The following UGT1A3 variants were observed in gnomAD, a reference collection of about 807,000 sequenced individuals.
UGT1A3 encodes the protein UDP glucuronosyltransferase family 1 member A3, also known as UDP-glucuronosyltransferase 1A3.
A neutral mutation model predicts 41.0 loss-of-function variants in UGT1A3; 31 were observed. The observed-to-expected ratio is 0.76, with a 90% CI of 0.57 to 1.02. The LOEUF is 1.02. UGT1A3 is among the 50% of genes least tolerant of loss of function. UGT1A3 has a pLI of 0.00. For synonymous variants in UGT1A3, 262 were observed against 257.6 expected (o/e 1.02, Z -0.17); for missense variants, 737 against 671.0 (o/e 1.10, Z -1.09).
chr2:233,729,634 G>C lies in UGT1A3; in HGVS notation c.508G>C (p.Val170Leu). 6.2e-7 allele frequency: 1 copy of C among 1,613,874 alleles called. No homozygotes were observed. Among genetic ancestry groups the C allele is most frequent in the African/African-American group, 1.3e-5 (1 of 74,980 alleles). Reference sequence around the variant, plus strand: ...GGCTAAGTACCTGTCGATTCCTACTGTGTTTTTTTTGAGGAACATTCCATG... The same window carrying C: ...GGCTAAGTACCTGTCGATTCCTACTCTGTTTTTTTTGAGGAACATTCCATG... ...VLAKYLSIPT[V>L]FFLRNIPCDL... The change falls in exon 1 of 5, where the codon GTG becomes CTG. Residue 170 changes from valine (V) to leucine (L), a missense_variant. By Grantham distance (32) the Val-to-Leu change is conservative (BLOSUM62 1). Transcript: ENST00000482026.
chr2:233,762,716 G>A (rs1165030295), intron 1 of UGT1A3, among the ~76,000 whole-genome samples: 4 of 149,682 alleles, frequency 2.7e-5, no homozygotes, highest in African/African-American at 7.3e-5. Flanking sequence ...TATTTTACAC[G>A]GTTTTTTTTT....
At chr2:233,742,175 T>C (rs1052722591) in intron 1 of UGT1A3, among the ~76,000 whole-genome samples, 7 of 151,768 alleles carry the variant, frequency 4.6e-5, no homozygotes, top group African/African-American at 1.5e-4. Flanking sequence ...CACAGAAATA[T>C]AGAGTGTGGA....
rs753512191 is a variant in UGT1A3 at position 233,755,032 on chromosome 2, C to T, written c.868-12002C>T. The T allele has an allele frequency of 5.3e-6, 7 of 1,314,500 alleles. No individual in the cohort carries two copies. In the Admixed American group the frequency reaches 9.5e-5, roughly 18 times the overall value. The allele number at this position is 1,314,500 out of a possible 1,614,324, so 81.4% of individuals were successfully genotyped here. A position where few individuals can be genotyped will look rare whatever the true frequency, so the allele number is the denominator to read the frequency against. ...TCGAAGGGGTCCTTGAAGGGCCTGC[C>T]GCCTGCGCAGCCGCCCTCCGCCCTC... On this transcript the variant is annotated intron_variant, in intron 1 of 4. Coordinates refer to ENST00000482026, the MANE Select transcript of UGT1A3 (RefSeq NM_019093.4).
chr2:233,732,561 G>A (rs1386480566), intron 1 of UGT1A3, among the ~76,000 whole-genome samples: 1 of 152,180 alleles, frequency 6.6e-6, no homozygotes, highest in African/African-American at 2.4e-5. Context: ...ATTAAATAAG[G>A]AATCCTTTCC....
At chr2:233,755,299 T>C (rs1695851428) in intron 1 of UGT1A3, 2 of 613,704 alleles carry the variant, frequency 3.3e-6, no homozygotes, top group South Asian at 1.7e-5. Flanking sequence ...TGCGGGGCAC[T>C]GGCACAGCGA....
intron 1 of UGT1A3, chr2:233,760,314 C>T (rs2125982476): frequency 1.2e-6 from 2 of 1,613,914 alleles, no homozygotes; most frequent in Non-Finnish European, 1.7e-6. Context: ...AGGGCGGACG[C>T]CCACTTGTCC....
intron 1 of UGT1A3, among the ~76,000 whole-genome samples, chr2:233,759,856 C>T (rs1446471980): frequency 2.0e-5 from 3 of 152,092 alleles, no homozygotes; most frequent in Admixed American, 6.6e-5. Context: ...GTTTCCATGG[C>T]GAAAGCGGGG....
intron 1 of UGT1A3, chr2:233,747,345 C>A (rs905208353): frequency 6.2e-7 from 1 of 1,602,546 alleles, no homozygotes; most frequent in South Asian, 1.1e-5. Flanking sequence ...GGCTCGCATG[C>A]GGGAGGCCGT....
At chr2:233,743,234 A>C (rs17863796) in intron 1 of UGT1A3, 5,154 of 418,520 alleles carry the variant, frequency 0.012, 81 homozygotes, top group South Asian at 0.038. Flanking sequence ...ATTTATTATG[A>C]AGGACTTTAA....
At chr2:233,754,790 T>C (rs1308374413) in intron 1 of UGT1A3, 13 of 1,196,884 alleles carry the variant, frequency 1.1e-5, no homozygotes, top group Non-Finnish European at 1.4e-5. Context: ...AGGAACGAAA[T>C]CCTGTATCAA....
intron 1 of UGT1A3, among the ~76,000 whole-genome samples, chr2:233,739,272 C>T (rs1444866031): frequency 6.6e-6 from 1 of 152,138 alleles, no homozygotes; most frequent in African/African-American, 2.4e-5. Flanking sequence ...AGGTTGGAGC[C>T]CCCACACAGA....
chr2:233,737,856 T>C (rs1690612463), intron 1 of UGT1A3, among the ~76,000 whole-genome samples: 1 of 152,152 alleles, frequency 6.6e-6, no homozygotes, highest in Admixed American at 6.5e-5. Context: ...ACTCTTGCTA[T>C]GCCCCTTAAG....
At chr2:233,767,405 A>G (rs1699388437) in intron 2 of UGT1A3, among the ~76,000 whole-genome samples, 1 of 152,206 alleles carries the variant, frequency 6.6e-6, no homozygotes, top group Admixed American at 6.5e-5. Flanking sequence ...ATTTTCTCTA[A>G]GAGACTCAAA....
At chr2:233,761,211 C>A in intron 1 of UGT1A3, 2 of 1,613,736 alleles carry the variant, frequency 1.2e-6, no homozygotes, top group South Asian at 1.1e-5. Flanking sequence ...TACTTTGGAT[C>A]GATTAACTAG....
At chr2:233,753,727 C>T (rs767953067) in intron 1 of UGT1A3, 2 of 152,174 alleles carry the variant, frequency 1.3e-5, no homozygotes, top group African/African-American at 2.4e-5. Flanking sequence ...ATTTGATATG[C>T]CCCAAGCACA....
At chr2:233,731,619 C>A (rs527896427) in intron 1 of UGT1A3, among the ~76,000 whole-genome samples, 1 of 152,252 alleles carries the variant, frequency 6.6e-6, no homozygotes, top group South Asian at 2.1e-4. Context: ...TGAACTCATC[C>A]TTTTTTATGG....
In UGT1A3 at chr2:233,768,310, C is replaced by G; in HGVS notation, c.1178C>G (p.Pro393Arg). 6.2e-7 allele frequency: 1 copy of G among 1,614,060 alleles called. No homozygotes were observed. Among genetic ancestry groups the G allele is most frequent in the Non-Finnish European group, 8.5e-7 (1 of 1,180,018 alleles). ...ICNGVPMVMM[P>R]LFGDQMDNAK... ...AATGGCGTTCCCATGGTGATGATGC[C>G]CTTGTTTGGTGATCAGATGGACAAT... The change falls in exon 4 of 5, where the codon CCC becomes CGC. Residue 393 changes from proline to arginine, a missense_variant. Physicochemically the swap from Pro to Arg is moderately radical, Grantham distance 103. Coordinates refer to ENST00000482026, the MANE Select transcript of UGT1A3 (RefSeq NM_019093.4).
chr2:233,754,448 T>G (rs1695488368), intron 1 of UGT1A3: 3 of 350,316 alleles, frequency 8.6e-6, no homozygotes, highest in Non-Finnish European at 1.7e-5. Flanking sequence ...TATAAATTCT[T>G]GGGTACAGCT....
chr2:233,747,228 C>T (rs1559391943), intron 1 of UGT1A3: 2 of 1,605,178 alleles, frequency 1.2e-6, no homozygotes, highest in East Asian at 2.2e-5. Context: ...CCACAGGACC[C>T]CAGGTTCCCC....
Sources: gnomAD v4.1 joint callset for allele counts (sites outside exome capture counted in the v4.1 genomes callset) on GRCh38, gnomAD v4.1.1 for gene constraint, MANE v1.5 for transcripts, NCBI Gene and HGNC (gene_info 2026-07-23, HGNC 2026-07-21) for gene names.